ADAMTS9: variants seen among roughly 807,000 people sequenced by gnomAD.
ADAMTS9 encodes A disintegrin and metalloproteinase with thrombospondin motifs 9.
Under a neutral mutation model 257.1 loss-of-function variants are expected in ADAMTS9, and 107 were observed. The observed-to-expected ratio is 0.42, with a 90% CI of 0.36 to 0.49. The LOEUF is 0.49. Ranked by LOEUF, ADAMTS9 falls within the 20% of genes least tolerant of loss-of-function variation. The probability of loss-of-function intolerance (pLI) is 0.03; values close to 1 mark genes in which losing one functional copy is unlikely to be tolerated. For synonymous variants in ADAMTS9, 982 were observed against 880.9 expected (o/e 1.11, Z -2.03); for missense variants, 2,353 against 2,469.1 (o/e 0.95, Z 1.00).
intron 3 of ADAMTS9, among the ~76,000 whole-genome samples, chr3:64,680,744 T>A (rs558289155): frequency 6.6e-6 from 1 of 152,310 alleles, no homozygotes; most frequent in South Asian, 2.1e-4. Flanking sequence ...AACACATATA[T>A]GTTTTCGTGG....
At chr3:64,579,866 T>C (rs568940694) in intron 28 of ADAMTS9, among the ~76,000 whole-genome samples, 1 of 152,284 alleles carries the variant, frequency 6.6e-6, no homozygotes, top group East Asian at 1.9e-4. Flanking sequence ...AACTCATATC[T>C]ACAGAACTAA....
chr3:64,593,528 G>T (rs938658024), intron 28 of ADAMTS9, among the ~76,000 whole-genome samples: 5 of 152,274 alleles, frequency 3.3e-5, no homozygotes, highest in East Asian at 3.9e-4. Flanking sequence ...GCTTCTGTTT[G>T]CCAAGAGCTG....
At chr3:64,536,781 T>A (rs1161447272) in intron 37 of ADAMTS9, among the ~76,000 whole-genome samples, 1 of 152,212 alleles carries the variant, frequency 6.6e-6, no homozygotes, top group Non-Finnish European at 1.5e-5. Context: ...TGCTAGCTAT[T>A]AATACCATCA....
intron 8 of ADAMTS9, among the ~76,000 whole-genome samples, chr3:64,652,080 C>A (rs997686449): frequency 6.6e-6 from 1 of 152,210 alleles, no homozygotes; most frequent in Non-Finnish European, 1.5e-5. Flanking sequence ...TACTGGGTGA[C>A]AACCTCAGAA....
At position 64,686,077 on chromosome 3, in the gene ADAMTS9, A is replaced by G. The variant is rs1053734842; in HGVS notation, c.516+491T>C. The stretch of plus-strand genomic sequence containing the variant: ...GGCCCTGAGAGAAAGCGGGGACTCT[A>G]GATTACGCACCGCCCTCCACAACAC... On this transcript the variant is annotated intron_variant, in intron 2 of 39. Transcript: ENST00000498707. This position sits in a 1 kb window ranked among gnomAD's most constrained non-coding sequence, Gnocchi z 4.6. Among the ~76,000 whole-genome samples the G allele has an allele frequency of 6.6e-6, 1 of 152,166 alleles. No homozygotes were observed. Among genetic ancestry groups the G allele is most frequent in the Non-Finnish European group, 1.5e-5 (1 of 68,032 alleles).
At chr3:64,673,004 C>T (rs930051344) in intron 3 of ADAMTS9, among the ~76,000 whole-genome samples, 4 of 133,294 alleles carry the variant, frequency 3.0e-5, no homozygotes, top group African/African-American at 1.2e-4. Context: ...ACATACTGTA[C>T]AGGTCTGTAG....
At position 64,602,160 on chromosome 3, in the gene ADAMTS9, G is replaced by A; in HGVS notation, c.3801C>T (p.Asn1267=). The A allele has an allele frequency of 1.5e-5, 24 of 1,614,098 alleles. No individual in the cohort carries two copies. Among genetic ancestry groups the A allele is most frequent in the Non-Finnish European group, 2.0e-5 (24 of 1,179,978 alleles). The part of the protein sequence containing the change: ...GRATRQVMCV[N]YSDHVIDRSE... ...TCCGATCGATCACGTGGTCACTGTA[G>A]TTGACACACATCACTTGCCGGGTTG... Residue 1267 remains asparagine, a synonymous_variant, in exon 26 of 40, where the codon AAC becomes AAT. Coordinates refer to ENST00000498707, the MANE Select transcript of ADAMTS9 (RefSeq NM_182920.2).
rs771473769 is a variant in ADAMTS9 at position 64,522,252 on chromosome 3, G to T, written c.5727C>A (p.Thr1909=). The change falls in exon 39 of 40, where the codon ACC becomes ACA. Residue 1909 remains threonine, a synonymous_variant. Transcript: ENST00000498707. ...VSDIKKSPDG[T]RVVGKCGGYC... ...AACCACCGCATTTCCCTACGACTCGGGTACCATCCTGCAAGGAGATGCATC... is the reference window on the plus strand; with the variant it reads ...AACCACCGCATTTCCCTACGACTCGTGTACCATCCTGCAAGGAGATGCATC... 6.2e-6 allele frequency: 10 copies of T among 1,613,936 alleles called. No individual in the cohort carries two copies. Among genetic ancestry groups the T allele is most frequent in the Admixed American group, 1.7e-5 (1 of 59,988 alleles).
intron 28 of ADAMTS9, among the ~76,000 whole-genome samples, chr3:64,586,285 T>TA (rs1007117815): frequency 3.4e-4 from 51 of 148,746 alleles, no homozygotes; most frequent in Admixed American, 1.1e-3. Context: ...GTTGTTATAA[T>TA]AAAAAAAAAA....
intron 23 of ADAMTS9, among the ~76,000 whole-genome samples, chr3:64,605,368 C>G (rs562940847): frequency 1.3e-5 from 2 of 152,284 alleles, no homozygotes; most frequent in East Asian, 1.9e-4. Context: ...TCATTTGGAA[C>G]ATTTCAATAA....
intron 3 of ADAMTS9, among the ~76,000 whole-genome samples, chr3:64,666,490 G>A (rs2106998926): frequency 6.6e-6 from 1 of 152,306 alleles, no homozygotes; most frequent in Non-Finnish European, 1.5e-5. Flanking sequence ...CAGAGAGAAG[G>A]AAGTCTGCAC....
chr3:64,558,194 T>G (rs1323608871), intron 30 of ADAMTS9, among the ~76,000 whole-genome samples: 3 of 152,194 alleles, frequency 2.0e-5, no homozygotes, highest in African/African-American at 7.2e-5. Context: ...ATCGGATTAG[T>G]GAAGATAATG....
intron 30 of ADAMTS9, among the ~76,000 whole-genome samples, chr3:64,552,964 C>T (rs1467170841): frequency 6.6e-6 from 1 of 152,096 alleles, no homozygotes; most frequent in Admixed American, 6.5e-5. Context: ...CCCTGCCTTG[C>T]CTCAAAGGCA....
chr3:64,533,281 C>T lies in ADAMTS9; in HGVS notation c.5614-11G>A, dbSNP rs752659873. On this transcript the variant is annotated splice_polypyrimidine_tract_variant and intron_variant, in intron 37 of 39. Coordinates refer to ENST00000498707, the MANE Select transcript of ADAMTS9 (RefSeq NM_182920.2). ...GATGCTAAAACGACCCTGGAAAACA[C>T]GACCAACAAAAGAGATTTTCAGTCC... 3 of 1,609,972 alleles carry T rather than the reference C, an allele frequency of 1.9e-6. No individual in the cohort carries two copies. The highest frequency in any genetic ancestry group is 1.3e-5 in the African/African-American group (1 of 74,958).
At chr3:64,626,460 G>T (rs1700223541) in intron 16 of ADAMTS9, among the ~76,000 whole-genome samples, 1 of 152,124 alleles carries the variant, frequency 6.6e-6, no homozygotes, top group Non-Finnish European at 1.5e-5. Flanking sequence ...TGCTCATTTT[G>T]TTAGTCTGCA....
intron 38 of ADAMTS9, among the ~76,000 whole-genome samples, chr3:64,530,983 CATT>C: frequency 6.6e-6 from 1 of 152,240 alleles, no homozygotes; most frequent in African/African-American, 2.4e-5. Context: ...GGGGAAAGAA[CATT>C]ATAATTTCGG....
rs9845383 is a variant in ADAMTS9 at position 64,615,748 on chromosome 3, T to C, written c.3024+212A>G. On this transcript the variant is annotated intron_variant, in intron 20 of 39. Transcript: ENST00000498707. ...AAAGAAATCAGTTGAGTTGTTCCACTTCTTCCAAATTTCCACACGTCATGC... is the reference window on the plus strand; with the variant it reads ...AAAGAAATCAGTTGAGTTGTTCCACCTCTTCCAAATTTCCACACGTCATGC... Among the ~76,000 whole-genome samples the C allele has an allele frequency of 0.015, 2,302 of 152,290 alleles. 68 individuals carry two copies. The highest frequency in any genetic ancestry group is 0.052 in the African/African-American group (2,142 of 41,552).
At chr3:64,663,474 A>G (rs537205943) in intron 3 of ADAMTS9, among the ~76,000 whole-genome samples, 2 of 147,212 alleles carry the variant, frequency 1.4e-5, no homozygotes, top group Non-Finnish European at 3.0e-5. Flanking sequence ...CAAATGTACT[A>G]TCAGAATCAT....
intron 3 of ADAMTS9, among the ~76,000 whole-genome samples, chr3:64,665,669 T>C (rs749960190): frequency 5.9e-5 from 9 of 152,328 alleles, no homozygotes; most frequent in Non-Finnish European, 1.0e-4. Flanking sequence ...TGTATACTCC[T>C]AGTGGGGCAA....
Sources: gnomAD v4.1 joint callset for allele counts (sites outside exome capture counted in the v4.1 genomes callset) on GRCh38, gnomAD v4.1.1 for gene constraint, Gnocchi (gnomAD v3.1) non-coding constraint, MANE v1.5 for transcripts, NCBI Gene and HGNC (gene_info 2026-07-23, HGNC 2026-07-21) for gene names.